Variants in ALDH5A1 observed in about 807,000 individuals in gnomAD.
The protein encoded by ALDH5A1 is aldehyde dehydrogenase 5 family member A1.
ALDH5A1 carries 33 observed loss-of-function variants against 54.7 expected under a neutral mutation model. The ratio of observed to expected loss-of-function variants is 0.60; its 90% CI spans 0.46 to 0.81. The LOEUF (loss-of-function observed/expected upper bound fraction) is 0.81, where lower values mean the gene tolerates loss of function less well. Among genes scored for constraint, ALDH5A1 ranks in the 30% least tolerant of loss-of-function variants. The probability of loss-of-function intolerance (pLI) is 0.00; values close to 1 mark genes in which losing one functional copy is unlikely to be tolerated. For synonymous variants in ALDH5A1, 294 were observed against 292.7 expected (o/e 1.00, Z -0.05); for missense variants, 657 against 711.0 (o/e 0.92, Z 0.86).
intron 4 of ALDH5A1, among the ~76,000 whole-genome samples, chr6:24,507,573 G>GT (rs1229714990): frequency 2.6e-5 from 4 of 151,816 alleles, no homozygotes; most frequent in Non-Finnish European, 5.9e-5. Flanking sequence ...TGCTCTTTCA[G>GT]TATGTAGTTT....
At chr6:24,522,492 T>TGTGTGTGTGTGTGTGTGTGG (rs1759711911) in intron 6 of ALDH5A1, 1 of 367,656 alleles carries the variant, frequency 2.7e-6, no homozygotes, top group Non-Finnish European at 5.2e-6. Flanking sequence ...TGTGTGTGTG[T>TGTGTGTGTGTGTGTGTGTGG]GTGTGTGTGT....
chr6:24,529,269 C>T (rs997332269), intron 8 of ALDH5A1, among the ~76,000 whole-genome samples: 9 of 151,824 alleles, frequency 5.9e-5, no homozygotes, highest in African/African-American at 1.7e-4. Context: ...TGGGTTCAAG[C>T]GATTCTCTTG....
At chr6:24,532,043 C>A in intron 8 of ALDH5A1, 76 bp from the exon 9 acceptor site, 1 of 1,382,650 alleles carries the variant, frequency 7.2e-7, no homozygotes. Flanking sequence ...ATTTGGGAAA[C>A]AAATCAGAAG....
chr6:24,527,869 C>A, intron 7 of ALDH5A1, 128 bp from the exon 8 acceptor site: 1 of 1,008,754 alleles, frequency 9.9e-7, no homozygotes, highest in Non-Finnish European at 1.5e-6. Flanking sequence ...AGGAAACCAG[C>A]ATGCTTTATT....
At chr6:24,502,322 C>T (rs1759210484) in intron 1 of ALDH5A1, among the ~76,000 whole-genome samples, 1 of 152,100 alleles carries the variant, frequency 6.6e-6, no homozygotes, top group South Asian at 2.1e-4. Flanking sequence ...TAATCTCTTC[C>T]GAAAACACTC....
intron 4 of ALDH5A1, among the ~76,000 whole-genome samples, chr6:24,511,630 A>G: frequency 6.6e-6 from 1 of 150,512 alleles, no homozygotes; most frequent in East Asian, 2.0e-4. Flanking sequence ...TTTCCAGAAC[A>G]TTTTGCATTT....
In ALDH5A1 at chr6:24,515,250, A is replaced by G; in HGVS notation, c.810A>G (p.Ala270=). 1 of 1,613,982 alleles carries G rather than the reference A, an allele frequency of 6.2e-7. No individual in the cohort carries two copies. Residue 270 remains alanine (A), a synonymous_variant, in exon 5 of 10, where the codon GCA becomes GCG. Transcript: ENST00000357578. ...SRKNAKEVGE[A]ICTDPLVSKI... is the part of the protein sequence containing the mutation. ...AGAATGCCAAGGAAGTAGGGGAGGCAATTTGTACTGATCCTCTGGTGTCCA... is the reference window on the plus strand; with the variant it reads ...AGAATGCCAAGGAAGTAGGGGAGGCGATTTGTACTGATCCTCTGGTGTCCA...
chr6:24,531,816 T>A (rs1759942127), intron 8 of ALDH5A1, among the ~76,000 whole-genome samples: 1 of 152,200 alleles, frequency 6.6e-6, no homozygotes, highest in African/African-American at 2.4e-5. Context: ...AGAATAGTAA[T>A]CCTTTTTTTT....
At chr6:24,495,473 T>C (rs1764680971) in intron 1 of ALDH5A1, 123 bp downstream of exon 1, 5 of 970,338 alleles carry the variant, frequency 5.2e-6, no homozygotes, top group Non-Finnish European at 5.9e-6. Flanking sequence ...CCCCAGGGTA[T>C]ACAAAGTGGA....
rs1378857734 is a variant in ALDH5A1 at position 24,495,305 on chromosome 6, C to G, written c.309C>G (p.Arg103=). 3.7e-5 allele frequency: 56 copies of G among 1,533,122 alleles called. No homozygotes were observed. The highest frequency in any genetic ancestry group is 1.2e-5 in the South Asian group (1 of 83,952). 95.0% of individuals were successfully genotyped at this position (1,533,122 alleles called of 1,614,324 possible). A position where few individuals can be genotyped will look rare whatever the true frequency, so the allele number is the denominator to read the frequency against. ...CGVREARAAV[R]AAYEAFCRWR... Reference sequence around the variant, plus strand: ...TGCGAGAGGCCCGCGCCGCCGTGCGCGCTGCCTACGAGGCTTTCTGCCGCT... The same window carrying G: ...TGCGAGAGGCCCGCGCCGCCGTGCGGGCTGCCTACGAGGCTTTCTGCCGCT... The change falls in exon 1 of 10, where the codon CGC becomes CGG. Residue 103 remains arginine, a synonymous_variant. Coordinates refer to ENST00000357578, the MANE Select transcript of ALDH5A1 (RefSeq NM_001080.3).
At chr6:24,513,211 C>T (rs1345761175) in intron 4 of ALDH5A1, among the ~76,000 whole-genome samples, 1 of 152,094 alleles carries the variant, frequency 6.6e-6, no homozygotes, top group Non-Finnish European at 1.5e-5. Flanking sequence ...AGGTGTGCAC[C>T]ACCATACCCA....
rs530023025 is a variant in ALDH5A1, at chr6:24,530,114, CTT to C, written c.1343+1949_1343+1950del. On this transcript the variant is annotated intron_variant, in intron 8 of 9. Coordinates refer to ENST00000357578, the MANE Select transcript of ALDH5A1 (RefSeq NM_001080.3). ...ACTTCTACTTCTGTGCCCTAGTTCT[CTT>C]GTCTCTTCATTCCATCTCTTCATTC... is the stretch of plus-strand genomic sequence containing the variant. Among the ~76,000 whole-genome samples, 155 of 152,262 alleles carry C rather than the reference CTT, an allele frequency of 1.0e-3. 1 individual carries two copies. The highest frequency in any genetic ancestry group is 1.9e-3 in the Non-Finnish European group (127 of 68,012).
Position 24,533,965 on chromosome 6 carries a change from C to A in ALDH5A1, c.*253C>A, listed in dbSNP as rs1054899. The A allele has an allele frequency of 0.36, 160,235 of 443,856 alleles. 31,718 individuals carry two copies. The highest frequency in any genetic ancestry group is 0.63 in the African/African-American group (31,603 of 49,934). The allele number at this position is 443,856 out of a possible 1,614,324, so 27.5% of individuals were successfully genotyped here. ...CTGGGTTTACAGAATGAGGCCCTGGCTCCCCACCACAGCCCCAGCTGCCTC... is the reference window on the plus strand; with the variant it reads ...CTGGGTTTACAGAATGAGGCCCTGGATCCCCACCACAGCCCCAGCTGCCTC... On this transcript the variant is annotated 3_prime_UTR_variant, in exon 10 of 10. Transcript: ENST00000357578.
At chr6:24,525,420 C>T (rs781425777) in intron 7 of ALDH5A1, among the ~76,000 whole-genome samples, 20 of 151,822 alleles carry the variant, frequency 1.3e-4, no homozygotes, top group South Asian at 6.2e-4. Flanking sequence ...AGCTGAGGGC[C>T]GGGCACAGTG....
At chr6:24,508,719 A>G (rs1218782728) in intron 4 of ALDH5A1, among the ~76,000 whole-genome samples, 1 of 152,196 alleles carries the variant, frequency 6.6e-6, no homozygotes, top group Non-Finnish European at 1.5e-5. Flanking sequence ...TGGTTGTACT[A>G]GTTTACATTC....
intron 9 of ALDH5A1, among the ~76,000 whole-genome samples, chr6:24,533,149 G>GA (rs111329953): frequency 5.3e-5 from 8 of 151,810 alleles, no homozygotes; most frequent in Non-Finnish European, 1.2e-4. Context: ...ACTTGTGGGG[G>GA]AGAGGGTGTT....
At chr6:24,497,690 G>A (rs1205741977) in intron 1 of ALDH5A1, among the ~76,000 whole-genome samples, 1 of 152,204 alleles carries the variant, frequency 6.6e-6, no homozygotes, top group Non-Finnish European at 1.5e-5. Context: ...CAGCAAGGAG[G>A]CCCGTGTGGA....
intron 4 of ALDH5A1, chr6:24,511,872 A>G (rs1759467632): frequency 3.4e-6 from 2 of 594,804 alleles, no homozygotes; most frequent in South Asian, 2.3e-5. Flanking sequence ...ATTGTTGGTG[A>G]GCTCATGTGA....
intron 3 of ALDH5A1, among the ~76,000 whole-genome samples, chr6:24,504,340 T>G (rs1404516950): frequency 1.3e-5 from 2 of 152,258 alleles, no homozygotes; most frequent in Non-Finnish European, 2.9e-5. Context: ...TAGGTATATG[T>G]ATAGGCATTT....
Sources: allele counts gnomAD v4.1 joint callset (sites outside exome capture counted in the v4.1 genomes callset), GRCh38; gene constraint gnomAD v4.1.1; transcripts MANE v1.5; gene names NCBI Gene and HGNC (gene_info 2026-07-23, HGNC 2026-07-21).